LSAMP: variants seen among roughly 807,000 people sequenced by gnomAD.
LSAMP encodes limbic system-associated membrane protein.
Under a neutral mutation model 38.6 loss-of-function variants are expected in LSAMP, and 7 were observed. The observed-to-expected ratio is 0.18, with a 90% CI of 0.10 to 0.34. The LOEUF is 0.34. Among genes scored for constraint, LSAMP ranks in the 10% least tolerant of loss-of-function variants. The pLI, the probability that LSAMP is intolerant of heterozygous loss-of-function variation, is 1.00. For missense variants in LSAMP, 313 were observed against 420.0 expected (o/e 0.75, Z 2.23); for synonymous variants, 154 against 166.8 (o/e 0.92, Z 0.59).
intron 1 of LSAMP, among the ~76,000 whole-genome samples, chr3:116,170,591 TG>T (rs1283846775): frequency 6.6e-6 from 1 of 152,162 alleles, no homozygotes; most frequent in Admixed American, 6.6e-5. Flanking sequence ...TATACGATTG[TG>T]GCGAATTAGT....
intron 1 of LSAMP, among the ~76,000 whole-genome samples, chr3:116,288,868 G>GACAA (rs1407971647): frequency 2.6e-5 from 4 of 152,178 alleles, no homozygotes; most frequent in African/African-American, 9.7e-5. Context: ...ACCAAAGAGA[G>GACAA]ACAAACAGTA....
At chr3:115,881,729 A>C in intron 3 of LSAMP, among the ~76,000 whole-genome samples, 1 of 152,176 alleles carries the variant, frequency 6.6e-6, no homozygotes, top group East Asian at 1.9e-4. Flanking sequence ...ATTGGAAAAT[A>C]TCATCCTTCC....
intron 1 of LSAMP, among the ~76,000 whole-genome samples, chr3:116,192,149 G>A (rs1402663658): frequency 1.3e-5 from 2 of 152,196 alleles, no homozygotes; most frequent in African/African-American, 2.4e-5. Flanking sequence ...TTAAATTCAT[G>A]GGAACAGATG....
chr3:116,088,786 G>A lies in LSAMP; in HGVS notation c.156-2230C>T, dbSNP rs180950993. Among the ~76,000 whole-genome samples, 596 of 152,084 alleles carry A rather than the reference G, an allele frequency of 3.9e-3. 3 individuals carry two copies. Among genetic ancestry groups the A allele is most frequent in the African/African-American group, 0.014 (576 of 41,460 alleles). On this transcript the variant is annotated intron_variant, in intron 1 of 6. Coordinates refer to ENST00000490035, the MANE Select transcript of LSAMP (RefSeq NM_002338.5). ...TTCACTTTAAAAGAAAAAATACCACGTAATATAGCTTACCTAAATATGGCC... is the reference window on the plus strand; with the variant it reads ...TTCACTTTAAAAGAAAAAATACCACATAATATAGCTTACCTAAATATGGCC...
Position 116,226,202 on chromosome 3 carries a change from C to T in LSAMP, c.156-139646G>A, listed in dbSNP as rs116811646. 3.5e-3 allele frequency among the ~76,000 whole-genome samples: 535 copies of T among 152,310 alleles called. 2 individuals carry two copies. The highest frequency in any genetic ancestry group is 0.013 in the South Asian group (61 of 4,824). Reference sequence around the variant, plus strand: ...CCCCAACCCTCAAAACACCTCTTCTCCTGACCTTTAGGTCCTGGGCTGTGC... The same window carrying T: ...CCCCAACCCTCAAAACACCTCTTCTTCTGACCTTTAGGTCCTGGGCTGTGC... On this transcript the variant is annotated intron_variant, in intron 1 of 6. Coordinates refer to ENST00000490035, the MANE Select transcript of LSAMP (RefSeq NM_002338.5).
intron 1 of LSAMP, among the ~76,000 whole-genome samples, chr3:116,244,213 T>C (rs2046575320): frequency 6.6e-6 from 1 of 152,216 alleles, no homozygotes; most frequent in South Asian, 2.1e-4. Flanking sequence ...TCTTAAGTCC[T>C]GTCCTTTCTC....
chr3:116,083,452 C>T (rs1329669547), intron 2 of LSAMP, among the ~76,000 whole-genome samples: 1 of 152,006 alleles, frequency 6.6e-6, no homozygotes, highest in South Asian at 2.1e-4. Context: ...AGTGGTTTAC[C>T]CCCAAAGTGT....
chr3:116,304,519 G>T (rs921604558), intron 1 of LSAMP, among the ~76,000 whole-genome samples: 5 of 152,122 alleles, frequency 3.3e-5, no homozygotes, highest in African/African-American at 1.2e-4. Flanking sequence ...GAGGATAAGG[G>T]TGCAGAGACA....
At chr3:116,332,175 A>G (rs2047861219) in intron 1 of LSAMP, among the ~76,000 whole-genome samples, 1 of 152,018 alleles carries the variant, frequency 6.6e-6, no homozygotes, top group African/African-American at 2.4e-5. Flanking sequence ...AAAAGTCATG[A>G]TTTCTGCATG....
Position 115,878,453 on chromosome 3 carries a change from C to CTT in LSAMP, c.515-25838_515-25837dup, listed in dbSNP as rs3087024. On this transcript the variant is annotated intron_variant, in intron 3 of 6. Transcript: ENST00000490035. ...CTTGATACTTTGAGAACATGCTATT[C>CTT]TTTTTTTTTTTTTTTTTTTTTTTTT... 6.8e-4 allele frequency among the ~76,000 whole-genome samples: 38 copies of CTT among 55,538 alleles called. 2 individuals are homozygous for CTT. Among genetic ancestry groups the CTT allele is most frequent in the African/African-American group, 1.6e-3 (22 of 13,986 alleles). The allele number at this position is 55,538 out of a possible 152,430, so 36.4% of individuals were successfully genotyped here.
chr3:116,146,288 A>C (rs376854955), intron 1 of LSAMP, among the ~76,000 whole-genome samples: 42 of 152,038 alleles, frequency 2.8e-4, no homozygotes, highest in African/African-American at 8.9e-4. Context: ...GCATCAGCTC[A>C]TGTTATCCCC....
chr3:116,066,285 T>G lies in LSAMP; in HGVS notation c.388+20039A>C, dbSNP rs564495339. Among the ~76,000 whole-genome samples the G allele has an allele frequency of 3.3e-5, 5 of 152,250 alleles. No individual in the cohort carries two copies. In the East Asian group the frequency reaches 9.7e-4, roughly 29 times the overall value. Reference sequence around the variant, plus strand: ...ACTTCCCAAATACCACATTTCCAAATAGTATCACACTGGGATAAAGTTCTA... The same window carrying G: ...ACTTCCCAAATACCACATTTCCAAAGAGTATCACACTGGGATAAAGTTCTA... On this transcript the variant is annotated intron_variant, in intron 2 of 6. Coordinates refer to ENST00000490035, the MANE Select transcript of LSAMP (RefSeq NM_002338.5).
At chr3:116,198,660 A>G (rs924971474) in intron 1 of LSAMP, among the ~76,000 whole-genome samples, 1 of 151,728 alleles carries the variant, frequency 6.6e-6, no homozygotes, top group African/African-American at 2.4e-5. Flanking sequence ...AGTCCCTGCT[A>G]CTCTGGAGGC....
intron 1 of LSAMP, among the ~76,000 whole-genome samples, chr3:116,092,384 A>G (rs746304434): frequency 7.2e-5 from 11 of 152,166 alleles, no homozygotes; most frequent in Non-Finnish European, 1.6e-4. Context: ...AATGATCTAT[A>G]TTGCATGTGA....
At chr3:116,176,042 C>T (rs79719285) in intron 1 of LSAMP, among the ~76,000 whole-genome samples, 317 of 152,216 alleles carry the variant, frequency 2.1e-3, no homozygotes, top group African/African-American at 7.4e-3. Context: ...TATATACAGT[C>T]CTGACACAAT....
chr3:116,101,734 G>A (rs1708352229), intron 1 of LSAMP, among the ~76,000 whole-genome samples: 1 of 152,012 alleles, frequency 6.6e-6, no homozygotes, highest in Non-Finnish European at 1.5e-5. Context: ...ATATGCAGGG[G>A]AAACTGCATA....
intron 1 of LSAMP, among the ~76,000 whole-genome samples, chr3:116,146,358 T>G (rs1488690771): frequency 6.6e-6 from 1 of 151,968 alleles, no homozygotes; most frequent in Non-Finnish European, 1.5e-5. Flanking sequence ...GATTCAGCTC[T>G]TTGCTACTTT....
chr3:115,846,547 C>G (rs1935166521), intron 4 of LSAMP, among the ~76,000 whole-genome samples: 1 of 152,040 alleles, frequency 6.6e-6, no homozygotes, highest in Non-Finnish European at 1.5e-5. Flanking sequence ...ATAATTAGCC[C>G]TAGGAAGTAA....
chr3:116,408,611 C>T (rs540875495), intron 1 of LSAMP, among the ~76,000 whole-genome samples: 1 of 151,966 alleles, frequency 6.6e-6, no homozygotes, highest in Non-Finnish European at 1.5e-5. Flanking sequence ...GCATGTAATC[C>T]TCATAGCCAC....
Sources: allele counts gnomAD v4.1 joint callset (sites outside exome capture counted in the v4.1 genomes callset), GRCh38; gene constraint gnomAD v4.1.1; transcripts MANE v1.5; gene names NCBI Gene and HGNC (gene_info 2026-07-23, HGNC 2026-07-21).